Variants in PCDHGB2 observed in about 807,000 individuals in gnomAD.
PCDHGB2 encodes protocadherin gamma subfamily B, 2.
Under a neutral mutation model 59.3 loss-of-function variants are expected in PCDHGB2, and 55 were observed. That is an observed-to-expected ratio of 0.93 (90% CI 0.75 to 1.16). PCDHGB2 has a LOEUF of 1.16. Ranked by LOEUF, PCDHGB2 falls within the 50% of genes most tolerant of loss-of-function variation. The probability of loss-of-function intolerance (pLI) is 0.00; values close to 1 mark genes in which losing one functional copy is unlikely to be tolerated. For missense variants in PCDHGB2, 1,228 were observed against 1,198.5 expected (o/e 1.02, Z -0.36); for synonymous variants, 516 against 512.0 (o/e 1.01, Z -0.11).
At chr5:141,382,959 G>A (rs994078805) in intron 1 of PCDHGB2, 3 of 1,607,324 alleles carry the variant, frequency 1.9e-6, no homozygotes, top group African/African-American at 1.3e-5. Flanking sequence ...CCATCCTCCT[G>A]GGGACCCCCT....
At chr5:141,370,084 A>C (rs947010720) in intron 1 of PCDHGB2, among the ~76,000 whole-genome samples, 2 of 152,244 alleles carry the variant, frequency 1.3e-5, no homozygotes, top group Non-Finnish European at 2.9e-5. Context: ...AAGTATCACT[A>C]TCAGTACACT....
intron 1 of PCDHGB2, chr5:141,415,883 G>C: frequency 1.0e-6 from 1 of 984,090 alleles, no homozygotes; most frequent in Non-Finnish European, 1.4e-6. Context: ...GTACAATATT[G>C]ACAATTCCTA....
chr5:141,414,946 C>T, intron 1 of PCDHGB2: 1 of 1,614,102 alleles, frequency 6.2e-7, no homozygotes, highest in East Asian at 2.2e-5. Context: ...GCCCGGCTAC[C>T]TGGTGACCAA....
chr5:141,462,125 A>G (rs918645911), intron 1 of PCDHGB2, among the ~76,000 whole-genome samples: 24 of 151,688 alleles, frequency 1.6e-4, no homozygotes, highest in African/African-American at 5.6e-4. Flanking sequence ...ACCCAGTCCA[A>G]TTTTTTGTAT....
chr5:141,365,813 A>G, intron 1 of PCDHGB2: 1 of 1,613,876 alleles, frequency 6.2e-7, no homozygotes, highest in East Asian at 2.2e-5. Flanking sequence ...GGCTGAAGAC[A>G]CATTTCAGGG....
intron 1 of PCDHGB2, chr5:141,376,117 C>G: frequency 6.2e-7 from 1 of 1,613,848 alleles, no homozygotes; most frequent in Non-Finnish European, 8.5e-7. Context: ...TGGGCAGCCT[C>G]GAGCCCTCCG....
intron 1 of PCDHGB2, chr5:141,420,084 A>G (rs1454284559): frequency 2.5e-6 from 4 of 1,613,890 alleles, no homozygotes; most frequent in African/African-American, 1.3e-5. Context: ...GGTCCCCCCA[A>G]CTACAGTGAG....
chr5:141,383,492 G>C (rs1012277194), intron 1 of PCDHGB2: 3 of 1,613,178 alleles, frequency 1.9e-6, no homozygotes, highest in Non-Finnish European at 2.5e-6. Flanking sequence ...GTGCTGGAGC[G>C]GGTGCTGGAC....
intron 1 of PCDHGB2, chr5:141,389,972 GA>G: frequency 6.2e-7 from 1 of 1,614,056 alleles, no homozygotes; most frequent in East Asian, 2.2e-5. Flanking sequence ...CCTTGGCCTT[GA>G]TCTCAGTGCT....
chr5:141,418,504 A>T (rs761133198), intron 1 of PCDHGB2: 32 of 1,613,904 alleles, frequency 2.0e-5, no homozygotes, highest in Non-Finnish European at 2.7e-5. Context: ...TGACCGCCTT[A>T]GATGGTGGGG....
At chr5:141,465,494 G>C (rs2099104306) in intron 1 of PCDHGB2, among the ~76,000 whole-genome samples, 1 of 152,204 alleles carries the variant, frequency 6.6e-6, no homozygotes, top group African/African-American at 2.4e-5. Context: ...ATGAGCGGGA[G>C]CATTGTCGTG....
chr5:141,448,394 T>A (rs1360417681), intron 1 of PCDHGB2, among the ~76,000 whole-genome samples: 2 of 152,206 alleles, frequency 1.3e-5, no homozygotes, highest in Admixed American at 6.5e-5. Context: ...TACATTTACA[T>A]GGTTTTAAAA....
Position 141,505,229 on chromosome 5 carries a change from G to T in PCDHGB2, c.2481-164G>T, listed in dbSNP as rs116169437. 9.5e-4 allele frequency: 809 copies of T among 847,460 alleles called. 6 individuals carry two copies. In the African/African-American group the frequency reaches 0.013, roughly 13 times the overall value. 52.5% of individuals were successfully genotyped at this position (847,460 alleles called of 1,614,324 possible). ...TGAGGGACTGACTTGTGGGATTCTG[G>T]CTTCTGAAGGATTGTAGAAGTGCCT... On this transcript the variant is annotated intron_variant, in intron 2 of 3. Coordinates refer to ENST00000522605, the MANE Select transcript of PCDHGB2 (RefSeq NM_018923.3).
intron 1 of PCDHGB2, chr5:141,392,124 A>G (rs1448052063): frequency 1.3e-5 from 2 of 152,226 alleles, no homozygotes; most frequent in Admixed American, 1.3e-4. Flanking sequence ...GAAAGCTTGT[A>G]AAATGATTAA....
intron 1 of PCDHGB2, chr5:141,376,319 G>C: frequency 3.7e-6 from 6 of 1,614,220 alleles, no homozygotes; most frequent in Non-Finnish European, 4.2e-6. Context: ...CGTGGAAGGG[G>C]TTCGGGCTTT....
intron 1 of PCDHGB2, among the ~76,000 whole-genome samples, chr5:141,459,575 G>T (rs2098970751): frequency 1.3e-5 from 2 of 152,132 alleles, no homozygotes; most frequent in Admixed American, 6.5e-5. Context: ...AAACAGAATT[G>T]TTTTGGGGGT....
At chr5:141,482,862 A>G (rs1169526338) in intron 1 of PCDHGB2, among the ~76,000 whole-genome samples, 1 of 152,180 alleles carries the variant, frequency 6.6e-6, no homozygotes, top group Non-Finnish European at 1.5e-5. Context: ...ACTTGAGGTC[A>G]GGAGTTTGAA....
intron 2 of PCDHGB2, among the ~76,000 whole-genome samples, chr5:141,501,288 T>TAC (rs1562199973): frequency 3.7e-5 from 3 of 81,228 alleles, no homozygotes; most frequent in South Asian, 4.2e-4. Context: ...GATATTCCCT[T>TAC]ATACACACAC....
intron 1 of PCDHGB2, chr5:141,365,548 A>G: frequency 6.2e-7 from 1 of 1,613,806 alleles, no homozygotes; most frequent in Non-Finnish European, 8.5e-7. Flanking sequence ...ACCTATTAAC[A>G]ACTAGGGACC....
Sources: allele counts gnomAD v4.1 joint callset (sites outside exome capture counted in the v4.1 genomes callset), GRCh38; gene constraint gnomAD v4.1.1; transcripts MANE v1.5; gene names NCBI Gene and HGNC (gene_info 2026-07-23, HGNC 2026-07-21).